Variants in RNF152 observed in about 807,000 individuals in gnomAD.
RNF152 encodes E3 ubiquitin-protein ligase RNF152.
A neutral mutation model predicts 12.7 loss-of-function variants in RNF152; 11 were observed. That is an observed-to-expected ratio of 0.86 (90% CI 0.54 to 1.43). RNF152 has a LOEUF of 1.43. Ranked by LOEUF, RNF152 falls within the 40% of genes most tolerant of loss-of-function variation. The pLI is 0.00. For synonymous variants in RNF152, 113 were observed against 120.3 expected (o/e 0.94, Z 0.40); for missense variants, 255 against 274.8 (o/e 0.93, Z 0.51).
chr18:61,882,859 G>GC (rs944879644), intron 1 of RNF152, among the ~76,000 whole-genome samples: 1 of 152,058 alleles, frequency 6.6e-6, no homozygotes, highest in Non-Finnish European at 1.5e-5. Flanking sequence ...AGTACACAAT[G>GC]CCCCCCTCCA....
intron 1 of RNF152, among the ~76,000 whole-genome samples, chr18:61,826,832 A>G (rs1187508985): frequency 2.6e-5 from 4 of 152,222 alleles, no homozygotes; most frequent in Non-Finnish European, 5.9e-5. Flanking sequence ...CAAGCTCCAG[A>G]ATGCAAACTG....
chr18:61,831,127 A>T (rs999096574), intron 1 of RNF152, among the ~76,000 whole-genome samples: 1 of 152,200 alleles, frequency 6.6e-6, no homozygotes, highest in Non-Finnish European at 1.5e-5. Context: ...ATTAAACCTT[A>T]ACAGCACTCA....
At chr18:61,862,294 G>A (rs1263170951) in intron 1 of RNF152, among the ~76,000 whole-genome samples, 2 of 152,320 alleles carry the variant, frequency 1.3e-5, no homozygotes, top group East Asian at 1.9e-4. Context: ...GTGTGGCAGA[G>A]GAGGCGGCAA....
intron 1 of RNF152, among the ~76,000 whole-genome samples, chr18:61,853,188 A>T (rs957874549): frequency 2.6e-5 from 4 of 151,944 alleles, no homozygotes; most frequent in Non-Finnish European, 5.9e-5. Context: ...TGATTATCTT[A>T]TAGGTCTGGA....
intron 1 of RNF152, among the ~76,000 whole-genome samples, chr18:61,845,922 G>GC (rs1910722490): frequency 6.6e-6 from 1 of 151,532 alleles, no homozygotes; most frequent in African/African-American, 2.4e-5. Context: ...GCTTTGTGTG[G>GC]GGGGGCGTGG....
At chr18:61,866,218 A>G (rs1335182166) in intron 1 of RNF152, among the ~76,000 whole-genome samples, 4 of 152,074 alleles carry the variant, frequency 2.6e-5, no homozygotes, top group South Asian at 2.1e-4. Context: ...TCTCTCCCCA[A>G]TACCAACCAT....
At chr18:61,883,524 T>G (rs908983249) in intron 1 of RNF152, among the ~76,000 whole-genome samples, 1 of 152,156 alleles carries the variant, frequency 6.6e-6, no homozygotes, top group Non-Finnish European at 1.5e-5. Context: ...CTAACAATGT[T>G]AGATCTCTAC....
Position 61,885,727 on chromosome 18 carries a change from T to C in RNF152, c.-136+7068A>G, listed in dbSNP as rs1599328668. Among the ~76,000 whole-genome samples, 4 of 152,060 alleles carry C rather than the reference T, an allele frequency of 2.6e-5. No homozygotes were observed. In the Middle Eastern group the frequency reaches 0.014, roughly 517 times the overall value. On this transcript the variant is annotated intron_variant, in intron 1 of 1. Coordinates refer to ENST00000312828, the MANE Select transcript of RNF152 (RefSeq NM_173557.3). The stretch of plus-strand genomic sequence containing the variant: ...AAGCATTTTGAGTATCAAAGAAGAG[T>C]TTCTATCATGTGAATGAGTATTCCA...
chr18:61,817,429 C>A (rs1269439083), intron 1 of RNF152, among the ~76,000 whole-genome samples: 1 of 152,196 alleles, frequency 6.6e-6, no homozygotes, highest in Non-Finnish European at 1.5e-5. Context: ...CATGGATCCA[C>A]TTAAGTACGA....
At chr18:61,849,524 T>C (rs1481573093) in intron 1 of RNF152, among the ~76,000 whole-genome samples, 1 of 152,214 alleles carries the variant, frequency 6.6e-6, no homozygotes, top group East Asian at 1.9e-4. Flanking sequence ...CTGCCCAAAG[T>C]GGCCACTGAG....
At chr18:61,859,289 T>C (rs1911357269) in intron 1 of RNF152, among the ~76,000 whole-genome samples, 1 of 152,216 alleles carries the variant, frequency 6.6e-6, no homozygotes, top group Non-Finnish European at 1.5e-5. Flanking sequence ...CTTAGTTGAC[T>C]GAAGTGAAAC....
At chr18:61,826,943 A>G (rs1355681910) in intron 1 of RNF152, among the ~76,000 whole-genome samples, 1 of 152,254 alleles carries the variant, frequency 6.6e-6, no homozygotes, top group Non-Finnish European at 1.5e-5. Context: ...AGAGCTGAGC[A>G]AAGAACATAA....
chr18:61,861,701 G>T, intron 1 of RNF152, among the ~76,000 whole-genome samples: 1 of 152,332 alleles, frequency 6.6e-6, no homozygotes, highest in Non-Finnish European at 1.5e-5. Context: ...TTTGGCGAGG[G>T]CCTCAAGCTG....
chr18:61,887,498 C>T (rs1391531923), intron 1 of RNF152, among the ~76,000 whole-genome samples: 1 of 152,080 alleles, frequency 6.6e-6, no homozygotes, highest in Non-Finnish European at 1.5e-5. Flanking sequence ...GCGGGTGGAT[C>T]ACGAGGTCAG....
intron 1 of RNF152, among the ~76,000 whole-genome samples, chr18:61,871,364 T>C (rs1373548529): frequency 1.4e-4 from 21 of 152,114 alleles, no homozygotes; most frequent in Admixed American, 1.4e-3. Context: ...ATACAATACT[T>C]AAAACAGCAC....
In RNF152 at chr18:61,812,153, A is replaced by G. The variant is rs1251428432; in HGVS notation, c.*3699T>C. On this transcript the variant is annotated 3_prime_UTR_variant, in exon 2 of 2. Transcript: ENST00000312828. The stretch of plus-strand genomic sequence containing the variant: ...CTATCACCCAGAACTGCATCGTTCA[A>G]TATGGCAGCCACTAGACACATAGGG... 1 of 152,222 alleles carries G rather than the reference A, an allele frequency of 6.6e-6. No homozygotes were observed. Among genetic ancestry groups the G allele is most frequent in the African/African-American group, 2.4e-5 (1 of 41,446 alleles). The allele number at this position is 152,222 out of a possible 1,614,324, so 9.4% of individuals were successfully genotyped here.
At chr18:61,858,799 C>A (rs1007932890) in intron 1 of RNF152, among the ~76,000 whole-genome samples, 1 of 152,130 alleles carries the variant, frequency 6.6e-6, no homozygotes. Flanking sequence ...CTATTAATTG[C>A]CTTGCAGACA....
intron 1 of RNF152, among the ~76,000 whole-genome samples, chr18:61,829,106 C>A (rs1440385397): frequency 6.6e-6 from 1 of 152,072 alleles, no homozygotes; most frequent in East Asian, 1.9e-4. Context: ...TCCAGTAAGT[C>A]AAATACCCCT....
intron 1 of RNF152, among the ~76,000 whole-genome samples, chr18:61,854,410 A>G (rs532616991): frequency 2.6e-5 from 4 of 152,336 alleles, no homozygotes; most frequent in Admixed American, 1.3e-4. Context: ...AGACATACAC[A>G]CAGCAACAGC....
Sources: gnomAD v4.1 joint callset for allele counts (sites outside exome capture counted in the v4.1 genomes callset) on GRCh38, gnomAD v4.1.1 for gene constraint, MANE v1.5 for transcripts, NCBI Gene and HGNC (gene_info 2026-07-23, HGNC 2026-07-21) for gene names.